MYO1E: variants seen among roughly 807,000 people sequenced by gnomAD.
MYO1E encodes myosin IE.
MYO1E carries 68 observed loss-of-function variants against 151.1 expected under a neutral mutation model. That is an observed-to-expected ratio of 0.45 (90% CI 0.37 to 0.55). The LOEUF (loss-of-function observed/expected upper bound fraction) is 0.55. Among genes scored for constraint, MYO1E ranks in the 20% least tolerant of loss-of-function variants. MYO1E has a pLI of 0.00. For synonymous variants in MYO1E, 601 were observed against 501.7 expected, an observed-to-expected ratio of 1.20 and a Z score of -2.64; for missense variants, 1,363 against 1,389.3, an observed-to-expected ratio of 0.98 and a Z score of 0.30.
At chr15:59,145,473 G>A (rs1414966029) in intron 26 of MYO1E, among the ~76,000 whole-genome samples, 3 of 152,014 alleles carry the variant, frequency 2.0e-5, no homozygotes, top group South Asian at 4.2e-4. Flanking sequence ...TGCAACCTCC[G>A]CCTCCCGGGT....
chr15:59,286,834 G>T (rs1316072966), intron 1 of MYO1E, among the ~76,000 whole-genome samples: 1 of 152,150 alleles, frequency 6.6e-6, no homozygotes, highest in African/African-American at 2.4e-5. Flanking sequence ...AACCATAAGG[G>T]CATTGGTCTA....
At chr15:59,327,069 G>T (rs1167461063) in intron 1 of MYO1E, among the ~76,000 whole-genome samples, 1 of 152,126 alleles carries the variant, frequency 6.6e-6, no homozygotes, top group African/African-American at 2.4e-5. Context: ...GTCGCAGTAG[G>T]GAAAGAGAAC....
At chr15:59,237,859 G>A (rs2080076253) in intron 4 of MYO1E, among the ~76,000 whole-genome samples, 1 of 152,188 alleles carries the variant, frequency 6.6e-6, no homozygotes, top group Non-Finnish European at 1.5e-5. Context: ...CAAATGAACA[G>A]AGAATTGAGC....
At chr15:59,248,143 A>G (rs1378263345) in intron 4 of MYO1E, among the ~76,000 whole-genome samples, 1 of 150,462 alleles carries the variant, frequency 6.6e-6, no homozygotes, top group Non-Finnish European at 1.5e-5. Context: ...AAAAAAAAAA[A>G]AAAAAAAAAA....
Position 59,320,431 on chromosome 15 carries a change from G to A in MYO1E, c.4-47982C>T, listed in dbSNP as rs139723768. Among the ~76,000 whole-genome samples the A allele has an allele frequency of 2.5e-4, 38 of 152,084 alleles. 3 individuals carry two copies. Among genetic ancestry groups the A allele is most frequent in the African/African-American group, 8.7e-4 (36 of 41,488 alleles). ...AACTGACTTTAAACTATAGTATAAG[G>A]GTACAATAACCAAAACAGCATGGTA... On this transcript the variant is annotated intron_variant, in intron 1 of 27. Coordinates refer to ENST00000288235, the MANE Select transcript of MYO1E (RefSeq NM_004998.4).
chr15:59,317,521 C>CAT (rs1342493415), intron 1 of MYO1E, among the ~76,000 whole-genome samples: 1 of 145,072 alleles, frequency 6.9e-6, no homozygotes, highest in Non-Finnish European at 1.5e-5. Flanking sequence ...CTTGTGGTAG[C>CAT]ATATGCAAGA....
intron 1 of MYO1E, among the ~76,000 whole-genome samples, chr15:59,276,454 C>A (rs148735667): frequency 1.5e-3 from 225 of 152,160 alleles, no homozygotes; most frequent in Non-Finnish European, 2.6e-3. Context: ...ACGACATGAA[C>A]GTAATAATAA....
chr15:59,338,284 CTTTT>C (rs35457560), intron 1 of MYO1E, among the ~76,000 whole-genome samples: 4 of 128,656 alleles, frequency 3.1e-5, no homozygotes, highest in South Asian at 2.5e-4. Context: ...TCAGTATTGA[CTTTT>C]TTTTTTTTTT....
At chr15:59,207,890 G>A (rs2079850101) in intron 14 of MYO1E, 1 of 1,614,174 alleles carries the variant, frequency 6.2e-7, no homozygotes, top group Non-Finnish European at 8.5e-7. Flanking sequence ...AAGAATCTTA[G>A]GAGAATACAT....
intron 2 of MYO1E, among the ~76,000 whole-genome samples, chr15:59,269,957 G>A (rs939301438): frequency 1.3e-5 from 2 of 152,010 alleles, no homozygotes; most frequent in African/African-American, 4.8e-5. Context: ...CAGAGAGTCT[G>A]TTACAACTAC....
chr15:59,252,483 G>A (rs2080170668), intron 4 of MYO1E, among the ~76,000 whole-genome samples: 2 of 152,328 alleles, frequency 1.3e-5, no homozygotes, highest in South Asian at 4.1e-4. Flanking sequence ...GGGAGGCTAA[G>A]ACAGGCGGAT....
intron 1 of MYO1E, among the ~76,000 whole-genome samples, chr15:59,330,557 G>A (rs575449355): frequency 4.6e-5 from 7 of 152,288 alleles, no homozygotes; most frequent in Non-Finnish European, 7.3e-5. Context: ...GGGAGGTACT[G>A]TAATAATAGT....
intron 1 of MYO1E, among the ~76,000 whole-genome samples, chr15:59,283,637 T>C (rs537876032): frequency 5.9e-5 from 9 of 152,348 alleles, no homozygotes; most frequent in African/African-American, 2.2e-4. Context: ...TCTTATTACA[T>C]ACCAAGCACT....
intron 1 of MYO1E, among the ~76,000 whole-genome samples, chr15:59,353,590 T>G (rs1596439816): frequency 1.3e-5 from 2 of 150,386 alleles, no homozygotes; most frequent in African/African-American, 4.9e-5. Flanking sequence ...ACCCCGTTTC[T>G]ACTAAAAATA....
chr15:59,167,125 G>A (rs1447987579), intron 22 of MYO1E, among the ~76,000 whole-genome samples: 1 of 152,176 alleles, frequency 6.6e-6, no homozygotes, highest in Non-Finnish European at 1.5e-5. Flanking sequence ...CAGTGAAGCG[G>A]GCTGTTTTTA....
intron 17 of MYO1E, among the ~76,000 whole-genome samples, chr15:59,191,216 G>A (rs756698015): frequency 3.9e-5 from 6 of 151,956 alleles, no homozygotes; most frequent in Non-Finnish European, 8.8e-5. Flanking sequence ...AGCACTTTGG[G>A]AGGCCGAGGC....
chr15:59,234,212 T>TGATGGATGGATGGATG (rs534252194), intron 5 of MYO1E, among the ~76,000 whole-genome samples: 1 of 149,044 alleles, frequency 6.7e-6, no homozygotes, highest in African/African-American at 2.5e-5. Context: ...CACTGATCAC[T>TGATGGATGGATGGATG]GATGGATGGA....
In MYO1E at chr15:59,133,624, A is replaced by T. The variant is rs1380391340; in HGVS notation, c.*3756T>A. ...GCCTTGGGAGAAAAGCAAAACAGGG[A>T]AAGAGGGCAGAATTGCAGAAAGGCT... On this transcript the variant is annotated 3_prime_UTR_variant, in exon 28 of 28. Transcript: ENST00000288235. The T allele has an allele frequency of 6.6e-6, 1 of 152,216 alleles. No individual in the cohort carries two copies. Among genetic ancestry groups the T allele is most frequent in the East Asian group, 1.9e-4 (1 of 5,200 alleles). The allele number at this position is 152,216 out of a possible 1,614,324, so 9.4% of individuals were successfully genotyped here.
intron 26 of MYO1E, among the ~76,000 whole-genome samples, chr15:59,145,674 G>A (rs1004802028): frequency 1.3e-5 from 2 of 152,156 alleles, no homozygotes; most frequent in Non-Finnish European, 2.9e-5. Context: ...TTACAGTCGT[G>A]AGCCACTGTG....
Sources: allele counts gnomAD v4.1 joint callset (sites outside exome capture counted in the v4.1 genomes callset), GRCh38; gene constraint gnomAD v4.1.1; transcripts MANE v1.5; gene names NCBI Gene and HGNC (gene_info 2026-07-23, HGNC 2026-07-21).